The following COX7B2 variants were observed in gnomAD, a reference collection of about 807,000 sequenced individuals.
COX7B2 encodes cytochrome c oxidase subunit 7B2, also known as cytochrome c oxidase subunit 7B2, mitochondrial.
For missense variants in COX7B2, 109 were observed against 95.9 expected (o/e 1.14, Z -0.57); for synonymous variants, 37 against 32.1 (o/e 1.15, Z -0.51).
At chr4:46,762,371 C>A (rs1349012411) in intron 2 of COX7B2, among the ~76,000 whole-genome samples, 1 of 120,552 alleles carries the variant, frequency 8.3e-6, no homozygotes, top group Non-Finnish European at 1.7e-5. Flanking sequence ...TGTATATATA[C>A]ACAATACAAT....
At chr4:46,815,846 T>G (rs1212882350) in intron 2 of COX7B2, among the ~76,000 whole-genome samples, 1 of 152,210 alleles carries the variant, frequency 6.6e-6, no homozygotes, top group East Asian at 1.9e-4. Context: ...CTAATACAGA[T>G]TAATTGTCTT....
At chr4:46,828,999 CTAT>C (rs1339731473) in intron 2 of COX7B2, among the ~76,000 whole-genome samples, 3 of 152,066 alleles carry the variant, frequency 2.0e-5, no homozygotes, top group African/African-American at 4.8e-5. Context: ...TATATGTGAA[CTAT>C]TATTACTCCT....
chr4:46,888,296 T>C (rs1719203576), intron 1 of COX7B2, among the ~76,000 whole-genome samples: 1 of 152,236 alleles, frequency 6.6e-6, no homozygotes, highest in Non-Finnish European at 1.5e-5. Flanking sequence ...CATTTAAATC[T>C]TGGCCCATCC....
intron 2 of COX7B2, among the ~76,000 whole-genome samples, chr4:46,809,724 G>A (rs904474738): frequency 2.0e-5 from 3 of 151,870 alleles, no homozygotes; most frequent in Middle Eastern, 3.4e-3. Context: ...CTATTTTTCT[G>A]CTGCTGCTGG....
At chr4:46,801,240 TTAAA>T (rs1718639635) in intron 2 of COX7B2, among the ~76,000 whole-genome samples, 1 of 152,092 alleles carries the variant, frequency 6.6e-6, no homozygotes, top group African/African-American at 2.4e-5. Flanking sequence ...TGGGTATATA[TTAAA>T]AGGAATATAA....
intron 2 of COX7B2, among the ~76,000 whole-genome samples, chr4:46,766,266 G>A (rs965461366): frequency 2.0e-5 from 3 of 152,242 alleles, no homozygotes; most frequent in Non-Finnish European, 2.9e-5. Flanking sequence ...TAATGGTGGT[G>A]TGTAAAACAT....
intron 1 of COX7B2, among the ~76,000 whole-genome samples, chr4:46,893,949 A>C (rs1719596077): frequency 6.6e-6 from 1 of 152,146 alleles, no homozygotes; most frequent in South Asian, 2.1e-4. Flanking sequence ...TAGGAATACA[A>C]CTAACCAGGA....
chr4:46,837,149 A>C (rs1230985560), intron 2 of COX7B2, among the ~76,000 whole-genome samples: 1 of 151,998 alleles, frequency 6.6e-6, no homozygotes, highest in African/African-American at 2.4e-5. Flanking sequence ...AGACTCTGAG[A>C]CTTAGCTCAA....
At chr4:46,766,088 A>G (rs1716518329) in intron 2 of COX7B2, among the ~76,000 whole-genome samples, 1 of 152,196 alleles carries the variant, frequency 6.6e-6, no homozygotes, top group Non-Finnish European at 1.5e-5. Context: ...TCCAACACAA[A>G]GGATGACAGA....
intron 2 of COX7B2, among the ~76,000 whole-genome samples, chr4:46,815,175 C>CAA (rs760743513): frequency 1.1e-4 from 8 of 74,996 alleles, no homozygotes; most frequent in African/African-American, 3.6e-4. Flanking sequence ...GACTCTGTCT[C>CAA]AAAAAAAAAA....
intron 2 of COX7B2, among the ~76,000 whole-genome samples, chr4:46,802,863 T>C (rs1018760309): frequency 2.0e-5 from 3 of 152,132 alleles, no homozygotes; most frequent in Admixed American, 1.3e-4. Flanking sequence ...GTGAAAAACA[T>C]AGTGCTATAA....
intron 2 of COX7B2, among the ~76,000 whole-genome samples, chr4:46,842,379 A>G (rs943553313): frequency 1.3e-5 from 2 of 151,926 alleles, no homozygotes; most frequent in African/African-American, 4.8e-5. Flanking sequence ...TGCATAGCAC[A>G]GTGGTTGTGA....
chr4:46,850,047 A>G (rs912342947), intron 1 of COX7B2, among the ~76,000 whole-genome samples: 3 of 151,998 alleles, frequency 2.0e-5, no homozygotes. Flanking sequence ...GGTAAATTCT[A>G]GTAAGAATTT....
At chr4:46,776,777 A>G (rs1717175754) in intron 2 of COX7B2, among the ~76,000 whole-genome samples, 1 of 152,136 alleles carries the variant, frequency 6.6e-6, no homozygotes, top group Non-Finnish European at 1.5e-5. Context: ...AGTAAAGATC[A>G]TGAACCTCAC....
intron 1 of COX7B2, among the ~76,000 whole-genome samples, chr4:46,905,848 A>G (rs1440040655): frequency 1.2e-4 from 7 of 60,514 alleles, no homozygotes; most frequent in African/African-American, 4.1e-4. Context: ...TTTGAGACGG[A>G]GTCTCGCTCT....
At chr4:46,867,845 TTG>T (rs1287044756) in intron 1 of COX7B2, among the ~76,000 whole-genome samples, 10 of 152,232 alleles carry the variant, frequency 6.6e-5, no homozygotes, top group African/African-American at 2.2e-4. Context: ...TTTTTTGTTG[TTG>T]TGTCTCTGCC....
chr4:46,842,154 G>C (rs1487540323), intron 2 of COX7B2, among the ~76,000 whole-genome samples: 1 of 151,962 alleles, frequency 6.6e-6, no homozygotes, highest in Middle Eastern at 3.2e-3. Context: ...GTAATAACAA[G>C]CAATGTCTTA....
At chr4:46,865,176 C>T (rs1464133663) in intron 1 of COX7B2, among the ~76,000 whole-genome samples, 1 of 152,146 alleles carries the variant, frequency 6.6e-6, no homozygotes, top group Admixed American at 6.5e-5. Flanking sequence ...TAGTTTAGCT[C>T]TCACTTATCA....
chr4:46,864,934 G>A lies in COX7B2; in HGVS notation c.-104-19920C>T, dbSNP rs138963819. Among the ~76,000 whole-genome samples the A allele has an allele frequency of 7.8e-3, 1,195 of 152,232 alleles. 18 individuals are homozygous for A. The highest frequency in any genetic ancestry group is 0.028 in the African/African-American group (1,144 of 41,534). ...GCTGGGGTTACAGGCGTAAGGCACC[G>A]CACCTGGGCTTTTATTATGATTATT... On this transcript the variant is annotated intron_variant, in intron 1 of 2. Coordinates refer to ENST00000355591, the MANE Select transcript of COX7B2 (RefSeq NM_130902.3).
Sources: gnomAD v4.1 joint callset for allele counts (sites outside exome capture counted in the v4.1 genomes callset) on GRCh38, gnomAD v4.1.1 for gene constraint, MANE v1.5 for transcripts, NCBI Gene and HGNC (gene_info 2026-07-23, HGNC 2026-07-21) for gene names.